TRPC4: variants seen among roughly 807,000 people sequenced by gnomAD.
TRPC4 encodes the protein short transient receptor potential channel 4.
In TRPC4, 49 loss-of-function variants were observed where a neutral mutation model predicts 99.4. The observed-to-expected ratio is 0.49, with a 90% CI of 0.39 to 0.63. The LOEUF (loss-of-function observed/expected upper bound fraction) is 0.63. Among genes scored for constraint, TRPC4 ranks in the 20% least tolerant of loss-of-function variants. The probability of loss-of-function intolerance (pLI) is 0.00; values close to 1 mark genes in which losing one functional copy is unlikely to be tolerated. For synonymous variants in TRPC4, 454 were observed against 425.9 expected, an observed-to-expected ratio of 1.07 and a Z score of -0.81; for missense variants, 898 against 1,152.9, an observed-to-expected ratio of 0.78 and a Z score of 3.20.
intron 4 of TRPC4, among the ~76,000 whole-genome samples, chr13:37,681,600 A>G (rs565380594): frequency 6.6e-6 from 1 of 152,306 alleles, no homozygotes; most frequent in Non-Finnish European, 1.5e-5. Flanking sequence ...CATTTACTGA[A>G]TTTTTGAAGA....
At chr13:37,752,450 A>C (rs1474517417) in intron 2 of TRPC4, among the ~76,000 whole-genome samples, 2 of 152,042 alleles carry the variant, frequency 1.3e-5, no homozygotes, top group Non-Finnish European at 2.9e-5. Flanking sequence ...AAGCCTTCCA[A>C]CTAGAGACTG....
intron 1 of TRPC4, among the ~76,000 whole-genome samples, chr13:37,857,256 GA>G (rs1398962502): frequency 2.6e-5 from 4 of 151,148 alleles, no homozygotes; most frequent in Non-Finnish European, 5.9e-5. Flanking sequence ...AAACACTGAT[GA>G]AAAAAATTAA....
intron 3 of TRPC4, among the ~76,000 whole-genome samples, chr13:37,715,961 C>T (rs1028625429): frequency 6.6e-6 from 1 of 152,148 alleles, no homozygotes; most frequent in Non-Finnish European, 1.5e-5. Flanking sequence ...TGCCTCAGTG[C>T]CCCACTCCAT....
intron 4 of TRPC4, among the ~76,000 whole-genome samples, chr13:37,680,544 G>A (rs1490538734): frequency 6.6e-6 from 1 of 152,158 alleles, no homozygotes; most frequent in East Asian, 1.9e-4. Flanking sequence ...TTTACCAAAA[G>A]CAGTCATCAC....
chr13:37,652,955 A>G (rs1952099462), intron 7 of TRPC4, among the ~76,000 whole-genome samples: 1 of 152,134 alleles, frequency 6.6e-6, no homozygotes, highest in Non-Finnish European at 1.5e-5. Context: ...GGTGATGACT[A>G]GATCCACCTT....
intron 4 of TRPC4, among the ~76,000 whole-genome samples, chr13:37,684,325 GA>G (rs1412734094): frequency 6.6e-6 from 1 of 151,712 alleles, no homozygotes; most frequent in Non-Finnish European, 1.5e-5. Context: ...AACATTTTGA[GA>G]AAAAAAACTA....
At chr13:37,711,098 T>C (rs774371239) in intron 3 of TRPC4, among the ~76,000 whole-genome samples, 26 of 152,130 alleles carry the variant, frequency 1.7e-4, no homozygotes, top group African/African-American at 5.8e-4. Context: ...AGAATGTGTT[T>C]AGATAAAATA....
At chr13:37,680,423 C>T (rs899809434) in intron 4 of TRPC4, among the ~76,000 whole-genome samples, 4 of 152,154 alleles carry the variant, frequency 2.6e-5, no homozygotes, top group Non-Finnish European at 4.4e-5. Context: ...TCTAGGTTTC[C>T]GTTCACTTCA....
chr13:37,663,541 G>A lies in TRPC4; in HGVS notation c.1563C>T (p.Phe521=), dbSNP rs1952530553. 6.2e-7 allele frequency: 1 copy of A among 1,614,108 alleles called. No homozygotes were observed. Among genetic ancestry groups the A allele is most frequent in the Non-Finnish European group, 8.5e-7 (1 of 1,180,028 alleles). ...ATGCTAGCAACACAAGGCAGTATAT[G>A]AATAGAAACTTCAAAATGTCCAGGA... The part of the protein sequence containing the change: ...RMLLDILKFL[F]IYCLVLLAFA... The change falls in exon 6 of 11, where the codon TTC becomes TTT. Residue 521 remains phenylalanine (F), a synonymous_variant. Transcript: ENST00000379705.
chr13:37,789,941 CAGA>C (rs1957071831), intron 1 of TRPC4, among the ~76,000 whole-genome samples: 1 of 151,962 alleles, frequency 6.6e-6, no homozygotes, highest in African/African-American at 2.4e-5. Flanking sequence ...TATCTTATAA[CAGA>C]AGAAGTAGAA....
At chr13:37,834,045 T>C (rs1010987342) in intron 1 of TRPC4, among the ~76,000 whole-genome samples, 2 of 152,224 alleles carry the variant, frequency 1.3e-5, no homozygotes, top group African/African-American at 4.8e-5. Context: ...CATGCTATAT[T>C]TGCATTTTTC....
intron 3 of TRPC4, among the ~76,000 whole-genome samples, chr13:37,712,803 CAT>C (rs1338963506): frequency 4.6e-5 from 7 of 152,136 alleles, no homozygotes; most frequent in Admixed American, 4.6e-4. Context: ...ATACAACCTG[CAT>C]ATTAGCAAAT....
chr13:37,730,521 T>C (rs548967150), intron 3 of TRPC4, among the ~76,000 whole-genome samples: 5 of 152,142 alleles, frequency 3.3e-5, no homozygotes, highest in African/African-American at 1.2e-4. Context: ...TCATTGTTTA[T>C]ATTAATTATA....
chr13:37,818,031 C>T (rs1441741721), intron 1 of TRPC4, among the ~76,000 whole-genome samples: 1 of 151,796 alleles, frequency 6.6e-6, no homozygotes, highest in African/African-American at 2.4e-5. Flanking sequence ...CAAAAATGGA[C>T]AAATGGGACC....
chr13:37,645,578 C>T (rs1049987828), intron 8 of TRPC4, among the ~76,000 whole-genome samples: 1 of 152,178 alleles, frequency 6.6e-6, no homozygotes, highest in African/African-American at 2.4e-5. Context: ...ATTCCTTAAG[C>T]CATGCAGCTT....
intron 1 of TRPC4, among the ~76,000 whole-genome samples, chr13:37,791,616 T>C (rs1033733719): frequency 2.6e-5 from 4 of 152,048 alleles, no homozygotes; most frequent in Non-Finnish European, 5.9e-5. Context: ...CTCACAGAGT[T>C]TATGATCCAG....
At chr13:37,860,675 T>C (rs1393978419) in intron 1 of TRPC4, among the ~76,000 whole-genome samples, 2 of 151,396 alleles carry the variant, frequency 1.3e-5, no homozygotes, top group Non-Finnish European at 3.0e-5. Context: ...TGCATAAATA[T>C]GGATTTTCAC....
At chr13:37,638,042 G>A (rs1349555308) in intron 10 of TRPC4, among the ~76,000 whole-genome samples, 2 of 152,112 alleles carry the variant, frequency 1.3e-5, no homozygotes, top group African/African-American at 2.4e-5. Context: ...AAATTAAGTG[G>A]AGACTAATTT....
At chr13:37,711,888 T>G (rs1396038241) in intron 3 of TRPC4, among the ~76,000 whole-genome samples, 1 of 152,010 alleles carries the variant, frequency 6.6e-6, no homozygotes, top group African/African-American at 2.4e-5. Context: ...ATAATGGCAT[T>G]TAACATATCT....
Sources: gnomAD v4.1 joint callset for allele counts (sites outside exome capture counted in the v4.1 genomes callset) on GRCh38, gnomAD v4.1.1 for gene constraint, MANE v1.5 for transcripts, NCBI Gene and HGNC (gene_info 2026-07-23, HGNC 2026-07-21) for gene names.